Variants in CFAP47 observed in about 807,000 individuals in gnomAD.
CFAP47 encodes cilia- and flagella-associated protein 47.
CFAP47 carries 29 observed loss-of-function variants against 148.1 expected under a neutral mutation model. That is an observed-to-expected ratio of 0.20 (90% CI 0.15 to 0.27). CFAP47 has a LOEUF of 0.27. CFAP47 is among the 10% of genes least tolerant of loss of function. The pLI is 1.00. For synonymous variants in CFAP47, 664 were observed against 577.3 expected, an observed-to-expected ratio of 1.15 and a Z score of -2.15; for missense variants, 1,872 against 1,697.5, an observed-to-expected ratio of 1.10 and a Z score of -1.81.
chrX:35,980,230 C>A (rs1204747970), intron 15 of CFAP47, among the ~76,000 whole-genome samples: 1 of 111,681 alleles, frequency 9.0e-6, no homozygotes, highest in African/African-American at 3.3e-5. Flanking sequence ...TCCTTTACAG[C>A]CATCCAGTTT....
At chrX:35,935,963 C>G (rs985915874) in intron 2 of CFAP47, among the ~76,000 whole-genome samples, 1 of 111,533 alleles carries the variant, frequency 9.0e-6, no homozygotes, top group Non-Finnish European at 1.9e-5. Flanking sequence ...TTCAAAAGTT[C>G]AATTATGATA....
chrX:36,065,822 A>G, intron 27 of CFAP47, 79 bp downstream of exon 27: 2 of 540,002 alleles, frequency 3.7e-6, no homozygotes, highest in Non-Finnish European at 6.1e-6. Context: ...AAGTGAATTT[A>G]AAATTATCAG....
chrX:36,255,750 G>A (rs1423051758), intron 49 of CFAP47, among the ~76,000 whole-genome samples: 1 of 111,403 alleles, frequency 9.0e-6, no homozygotes, highest in Non-Finnish European at 1.9e-5. Flanking sequence ...AATGTACTTC[G>A]GACAGTAAGC....
In CFAP47 at chrX:35,960,380, G is replaced by GAAAAAAAAAAAAAAAAAAAA. The variant is rs1188987905; in HGVS notation, c.1410+4192_1410+4211dup. On this transcript the variant is annotated intron_variant, in intron 8 of 63. Transcript: ENST00000378653. The stretch of plus-strand genomic sequence containing the variant: ...CTTTAACATTAGCTTGCTAATTTCT[G>GAAAAAAAAAAAAAAAAAAAA]AAAAAAAAAAAAAAAAAAAAAAAAA... Among the ~76,000 whole-genome samples the GAAAAAAAAAAAAAAAAAAAA allele has an allele frequency of 1.3e-3, 20 of 15,482 alleles. 7 individuals are homozygous for GAAAAAAAAAAAAAAAAAAAA. Among genetic ancestry groups the GAAAAAAAAAAAAAAAAAAAA allele is most frequent in the African/African-American group, 5.2e-3 (20 of 3,814 alleles). The allele number at this position is 15,482 out of a possible 115,157, so 13.4% of individuals were successfully genotyped here. A position where few individuals can be genotyped will look rare whatever the true frequency, so the allele number is the denominator to read the frequency against.
chrX:36,074,525 T>A (rs2146763542), intron 29 of CFAP47, among the ~76,000 whole-genome samples: 1 of 112,043 alleles, frequency 8.9e-6, no homozygotes, highest in South Asian at 3.7e-4. Context: ...TATTAACTTA[T>A]ATTTTGTCTT....
At chrX:36,226,304 T>C (rs1301323468) in intron 45 of CFAP47, among the ~76,000 whole-genome samples, 1 of 111,557 alleles carries the variant, frequency 9.0e-6, no homozygotes, top group Non-Finnish European at 1.9e-5. Flanking sequence ...GAATTGGAAA[T>C]AGATTTAAGA....
chrX:36,131,654 A>G (rs1331386494), intron 33 of CFAP47, among the ~76,000 whole-genome samples: 1 of 111,939 alleles, frequency 8.9e-6, no homozygotes, highest in African/African-American at 3.2e-5. Context: ...CCCAAAGTGG[A>G]ATGTTATTCA....
chrX:35,931,245 G>A (rs755856453), intron 2 of CFAP47, among the ~76,000 whole-genome samples: 1 of 111,024 alleles, frequency 9.0e-6, no homozygotes, highest in Admixed American at 9.6e-5. Context: ...ATTCCTTTCT[G>A]GTAGATTGAT....
chrX:36,187,239 A>G (rs905032884), intron 40 of CFAP47, among the ~76,000 whole-genome samples: 11 of 112,209 alleles, frequency 9.8e-5, no homozygotes, highest in Non-Finnish European at 1.9e-5. Context: ...TAAACAGTCA[A>G]TGAATTGTTC....
chrX:36,235,971 C>A lies in CFAP47; in HGVS notation c.7052C>A (p.Thr2351Asn), dbSNP rs781808755. The change falls in exon 47 of 64, where the codon ACT (threonine) becomes AAT (asparagine). Residue 2351 changes from threonine (T) to asparagine (N), a missense_variant. Transcript: ENST00000378653. ...AACGATAAATGGACCTTTCAAGTTA[C>A]TATAGAAGGAGAATGGTTTTATGGA... is the stretch of plus-strand genomic sequence containing the variant. ...QTNDKWTFQV[T>N]IEGEWFYGPV... The A allele has an allele frequency of 3.9e-6, 2 of 512,634 alleles. No homozygotes were observed. Among genetic ancestry groups the A allele is most frequent in the South Asian group, 5.5e-5 (2 of 36,578 alleles). The allele number at this position is 512,634 out of a possible 1,213,427, so 42.2% of individuals were successfully genotyped here.
intron 33 of CFAP47, among the ~76,000 whole-genome samples, chrX:36,130,097 G>T (rs1170388783): frequency 9.0e-6 from 1 of 111,047 alleles, no homozygotes; most frequent in African/African-American, 3.3e-5. Flanking sequence ...AAAAGCTTCT[G>T]CACAGTAATG....
chrX:35,978,599 G>A (rs983655037), intron 15 of CFAP47, among the ~76,000 whole-genome samples: 24 of 111,461 alleles, frequency 2.2e-4, no homozygotes, highest in Admixed American at 4.8e-4. Context: ...TTCTTTTTAA[G>A]AATACAAAAA....
Position 36,043,443 on chromosome X carries a change from A to G in CFAP47, c.4008-3411A>G, listed in dbSNP as rs368228405. Among the ~76,000 whole-genome samples, 6 of 112,589 alleles carry G rather than the reference A, an allele frequency of 5.3e-5. 1 individual carries two copies. The East Asian group carries it at 1.4e-3, about 26-fold the overall frequency. On this transcript the variant is annotated intron_variant, in intron 25 of 63. Transcript: ENST00000378653. ...ATCTAAGACAAGATAGTCACTTCCA[A>G]GATACAATGAGGGTACAAGCACAGG...
chrX:35,935,958 A>C (rs1440845142), intron 2 of CFAP47, among the ~76,000 whole-genome samples: 1 of 111,651 alleles, frequency 9.0e-6, no homozygotes, highest in Non-Finnish European at 1.9e-5. Context: ...TTGTTTTCAA[A>C]AGTTCAATTA....
At chrX:36,200,189 CAA>C (rs1555987851) in intron 42 of CFAP47, among the ~76,000 whole-genome samples, 188 bp from the exon 43 acceptor site, 1 of 112,091 alleles carries the variant, frequency 8.9e-6, no homozygotes, top group African/African-American at 3.2e-5. Context: ...TGGTTGCAGG[CAA>C]AGTTTCTCCC....
intron 42 of CFAP47, among the ~76,000 whole-genome samples, chrX:36,194,740 A>G (rs1179705829): frequency 2.7e-5 from 3 of 111,620 alleles, no homozygotes; most frequent in Non-Finnish European, 5.7e-5. Flanking sequence ...TGAGAACTCT[A>G]TCATGAGACA....
chrX:35,963,726 C>A (rs1422517262), intron 8 of CFAP47, among the ~76,000 whole-genome samples: 1 of 110,796 alleles, frequency 9.0e-6, no homozygotes, highest in African/African-American at 3.3e-5. Context: ...ATTTATTTTA[C>A]GAAACTTTAA....
intron 46 of CFAP47, among the ~76,000 whole-genome samples, chrX:36,232,837 AG>A (rs1555993009): frequency 8.9e-6 from 1 of 111,960 alleles, no homozygotes; most frequent in African/African-American, 3.2e-5. Flanking sequence ...TTGGTTTCAA[AG>A]AACATCTTTA....
intron 49 of CFAP47, among the ~76,000 whole-genome samples, chrX:36,261,945 G>A (rs1940832309): frequency 9.1e-6 from 1 of 109,536 alleles, no homozygotes; most frequent in Non-Finnish European, 1.9e-5. Context: ...CGGCTGGCCG[G>A]GCGGGGGCTG....
Sources: gnomAD v4.1 joint callset for allele counts (sites outside exome capture counted in the v4.1 genomes callset) on GRCh38, gnomAD v4.1.1 for gene constraint, MANE v1.5 for transcripts, NCBI Gene and HGNC (gene_info 2026-07-23, HGNC 2026-07-21) for gene names.